NCK2: variants seen among roughly 807,000 people sequenced by gnomAD.
NCK2 encodes the protein cytoplasmic protein NCK2.
NCK2 carries 16 observed loss-of-function variants against 33.9 expected under a neutral mutation model. The observed-to-expected ratio is 0.47, with a 90% CI of 0.32 to 0.72. The LOEUF (loss-of-function observed/expected upper bound fraction) is 0.72, where lower values mean the gene tolerates loss of function less well. Ranked by LOEUF, NCK2 falls within the 30% of genes least tolerant of loss-of-function variation. The probability of loss-of-function intolerance (pLI) is 0.03; values close to 1 mark genes in which losing one functional copy is unlikely to be tolerated. For missense variants in NCK2, 418 were observed against 537.3 expected (o/e 0.78, Z 2.19); for synonymous variants, 273 against 239.9 (o/e 1.14, Z -1.27).
chr2:105,774,049 C>G (rs1444434503), intron 1 of NCK2, among the ~76,000 whole-genome samples: 6 of 144,280 alleles, frequency 4.2e-5, no homozygotes, highest in Admixed American at 2.2e-4. Context: ...CGCCCTGTTG[C>G]CCAGGCTGGA....
At chr2:105,807,448 G>A (rs1322016799) in intron 1 of NCK2, among the ~76,000 whole-genome samples, 1 of 152,034 alleles carries the variant, frequency 6.6e-6, no homozygotes, top group Non-Finnish European at 1.5e-5. Context: ...TCCTTCCTAG[G>A]GAAAAAATTA....
chr2:105,841,267 A>C (rs967202987), intron 2 of NCK2, among the ~76,000 whole-genome samples: 30 of 151,770 alleles, frequency 2.0e-4, no homozygotes, highest in African/African-American at 6.3e-4. Context: ...ACTAAACTTG[A>C]AAACCTCTTT....
intron 2 of NCK2, among the ~76,000 whole-genome samples, chr2:105,840,138 G>A (rs926071854): frequency 2.6e-5 from 4 of 152,090 alleles, no homozygotes; most frequent in Non-Finnish European, 4.4e-5. Context: ...TGGGGTTAGG[G>A]GCAAGGGAAT....
At chr2:105,806,459 G>A (rs536378812) in intron 1 of NCK2, among the ~76,000 whole-genome samples, 2 of 152,048 alleles carry the variant, frequency 1.3e-5, no homozygotes, top group Non-Finnish European at 2.9e-5. Flanking sequence ...GGATGGTCTC[G>A]ATCTCTTGAC....
chr2:105,806,052 C>T (rs1043260145), intron 1 of NCK2, among the ~76,000 whole-genome samples: 12 of 151,852 alleles, frequency 7.9e-5, no homozygotes, highest in African/African-American at 2.9e-4. Context: ...TGCGTTTTGA[C>T]TGTGGCCCTT....
chr2:105,876,364 G>A (rs1412687498), intron 3 of NCK2, among the ~76,000 whole-genome samples: 1 of 152,234 alleles, frequency 6.6e-6, no homozygotes, highest in Non-Finnish European at 1.5e-5. Flanking sequence ...GTTCTGCATG[G>A]GTGAGGACCC....
chr2:105,852,369 C>T (rs905405197), intron 2 of NCK2, among the ~76,000 whole-genome samples: 1 of 152,136 alleles, frequency 6.6e-6, no homozygotes, highest in African/African-American at 2.4e-5. Flanking sequence ...TCTCACTTGG[C>T]CTTTCCCATC....
chr2:105,884,718 A>C (rs1678649879), intron 4 of NCK2, among the ~76,000 whole-genome samples: 1 of 152,250 alleles, frequency 6.6e-6, no homozygotes, highest in South Asian at 2.1e-4. Flanking sequence ...TAGATGAATC[A>C]GTGAACCAAC....
intron 1 of NCK2, among the ~76,000 whole-genome samples, chr2:105,785,126 C>T (rs760899901): frequency 3.9e-5 from 6 of 152,134 alleles, no homozygotes; most frequent in East Asian, 3.9e-4. Flanking sequence ...CTACAGGCGC[C>T]GGCCACCACA....
intron 1 of NCK2, among the ~76,000 whole-genome samples, chr2:105,785,160 A>G (rs1690632634): frequency 6.6e-6 from 1 of 152,090 alleles, no homozygotes; most frequent in Admixed American, 6.5e-5. Context: ...TTGTATTTTT[A>G]GTAGAGACAG....
chr2:105,870,317 G>A (rs1464434447), intron 3 of NCK2, among the ~76,000 whole-genome samples: 1 of 152,228 alleles, frequency 6.6e-6, no homozygotes, highest in Non-Finnish European at 1.5e-5. Context: ...GTGGCTGCTT[G>A]GGGTTTCCCT....
intron 1 of NCK2, among the ~76,000 whole-genome samples, chr2:105,765,641 C>T: frequency 6.7e-6 from 1 of 150,124 alleles, no homozygotes; most frequent in Non-Finnish European, 1.5e-5. Context: ...CTGGCTAAAA[C>T]AGAGACAGAG....
intron 1 of NCK2, among the ~76,000 whole-genome samples, chr2:105,778,268 G>A (rs1350395649): frequency 1.3e-5 from 2 of 152,188 alleles, no homozygotes; most frequent in Non-Finnish European, 2.9e-5. Flanking sequence ...CAGCACATGT[G>A]GTAGTGACCT....
intron 3 of NCK2, 135 bp from the exon 4 acceptor site, chr2:105,881,191 TAC>T (rs1678461263): frequency 1.6e-6 from 2 of 1,225,092 alleles, no homozygotes; most frequent in Non-Finnish European, 2.2e-6. Flanking sequence ...TCATGGTAAT[TAC>T]AGTTTGTAAG....
At chr2:105,809,890 G>A (rs1205217462) in intron 1 of NCK2, among the ~76,000 whole-genome samples, 1 of 152,176 alleles carries the variant, frequency 6.6e-6, no homozygotes, top group Non-Finnish European at 1.5e-5. Flanking sequence ...AGAAGAAGAG[G>A]GAGTGGTGGA....
chr2:105,791,433 CT>C (rs1690879821), intron 1 of NCK2, among the ~76,000 whole-genome samples: 1 of 152,186 alleles, frequency 6.6e-6, no homozygotes, highest in Admixed American at 6.5e-5. Context: ...TGTAAAGTGC[CT>C]AACAACAATG....
chr2:105,893,837 TTTTCCTCTTGCC>T lies in NCK2; in HGVS notation c.*662_*673del, dbSNP rs1367060337. 6.6e-6 allele frequency: 1 copy of T among 152,646 alleles called. No homozygotes were observed. Among genetic ancestry groups the T allele is most frequent in the Non-Finnish European group, 1.5e-5 (1 of 68,036 alleles). The allele number at this position is 152,646 out of a possible 1,614,324, so 9.5% of individuals were successfully genotyped here. On this transcript the variant is annotated 3_prime_UTR_variant, in exon 5 of 5. Coordinates refer to ENST00000233154, the MANE Select transcript of NCK2 (RefSeq NM_003581.5). ...CCAAATGTGCCATCCACATAGTGCTTTTTCCTCTTGCCCTTCGGCTTGTTTGAATCTCACAAT... is the reference window on the plus strand; with the variant it reads ...CCAAATGTGCCATCCACATAGTGCTTCTTCGGCTTGTTTGAATCTCACAAT...
At chr2:105,807,692 T>C (rs751128620) in intron 1 of NCK2, among the ~76,000 whole-genome samples, 2 of 150,420 alleles carry the variant, frequency 1.3e-5, no homozygotes, top group Non-Finnish European at 3.0e-5. Context: ...TCCTTTTTTT[T>C]TTCTCTTTTC....
chr2:105,747,582 C>CT (rs1689327471), intron 1 of NCK2, among the ~76,000 whole-genome samples: 1 of 152,326 alleles, frequency 6.6e-6, no homozygotes, highest in East Asian at 1.9e-4. Context: ...GAATTGCTTG[C>CT]TGGAACTACA....
Sources: gnomAD v4.1 joint callset for allele counts (sites outside exome capture counted in the v4.1 genomes callset) on GRCh38, gnomAD v4.1.1 for gene constraint, MANE v1.5 for transcripts, NCBI Gene and HGNC (gene_info 2026-07-23, HGNC 2026-07-21) for gene names.